The following FBXO38 variants were observed in gnomAD, a reference collection of about 807,000 sequenced individuals.
The protein encoded by FBXO38 is F-box only protein 38.
FBXO38 carries 53 observed loss-of-function variants against 131.9 expected under a neutral mutation model. The observed-to-expected ratio is 0.40, with a 90% confidence interval of 0.32 to 0.51. The LOEUF (loss-of-function observed/expected upper bound fraction) is 0.51, where lower values mean the gene tolerates loss of function less well. Ranked by LOEUF, FBXO38 falls within the 20% of genes least tolerant of loss-of-function variation. FBXO38 has a pLI of 0.53. For missense variants in FBXO38, 1,076 were observed against 1,475.6 expected (o/e 0.73, Z 4.44); for synonymous variants, 452 against 505.6 (o/e 0.89, Z 1.42).
At chr5:148,429,199 T>G (rs1753891573) in intron 15 of FBXO38, among the ~76,000 whole-genome samples, 2 of 152,188 alleles carry the variant, frequency 1.3e-5, no homozygotes, top group South Asian at 4.1e-4. Context: ...CTTTATGAGT[T>G]TATTTTTATG....
chr5:148,425,471 A>T, intron 13 of FBXO38, 51 bp from the exon 14 acceptor site: 1 of 1,417,412 alleles, frequency 7.1e-7, no homozygotes, highest in Non-Finnish European at 9.9e-7. Flanking sequence ...ACTTTGCATT[A>T]GATCCTTTCT....
chr5:148,385,481 T>G (rs1365877633), intron 1 of FBXO38, among the ~76,000 whole-genome samples: 7 of 152,244 alleles, frequency 4.6e-5, no homozygotes, highest in Non-Finnish European at 8.8e-5. Context: ...GTATCCCTGC[T>G]TCACACTGGT....
chr5:148,441,325 C>T, intron 21 of FBXO38, 88 bp downstream of exon 21: 1 of 931,258 alleles, frequency 1.1e-6, no homozygotes, highest in Non-Finnish European at 1.7e-6. Context: ...GAGTTAGGAG[C>T]AGTGCAGTGT....
intron 1 of FBXO38, among the ~76,000 whole-genome samples, chr5:148,394,494 G>A (rs1458763067): frequency 6.6e-6 from 1 of 152,004 alleles, no homozygotes; most frequent in African/African-American, 2.4e-5. Flanking sequence ...TCTAAGTAAT[G>A]CATATTTATA....
chr5:148,400,278 A>G (rs982411326), intron 3 of FBXO38, among the ~76,000 whole-genome samples: 11 of 152,066 alleles, frequency 7.2e-5, no homozygotes, highest in Non-Finnish European at 1.2e-4. Flanking sequence ...GAAAGAAAAA[A>G]AATTAGGGCA....
At chr5:148,427,039 A>G (rs913590443) in intron 14 of FBXO38, among the ~76,000 whole-genome samples, 174 bp from the exon 15 acceptor site, 3 of 152,202 alleles carry the variant, frequency 2.0e-5, no homozygotes, top group Non-Finnish European at 4.4e-5. Context: ...GATAGACACT[A>G]GGGAGCCATA....
At chr5:148,408,874 A>G (rs1455642662) in intron 7 of FBXO38, among the ~76,000 whole-genome samples, 2 of 152,166 alleles carry the variant, frequency 1.3e-5, no homozygotes, top group East Asian at 1.9e-4. Flanking sequence ...TTACTTAACA[A>G]TGTAAATCTT....
In FBXO38 at chr5:148,406,237, A is replaced by G. The variant is rs1162765033; in HGVS notation, c.731-20A>G. ...AAGGCACTTTACATTGTTCTATCAA[A>G]GATTTTTTTTTTTTTCCAGGACCCA... On this transcript the variant is annotated intron_variant, in intron 6 of 21. Transcript: ENST00000340253. 4.6e-6 allele frequency: 7 copies of G among 1,535,040 alleles called. No individual in the cohort carries two copies. Among genetic ancestry groups the G allele is most frequent in the Non-Finnish European group, 8.8e-7 (1 of 1,137,710 alleles).
intron 1 of FBXO38, among the ~76,000 whole-genome samples, chr5:148,390,766 T>A (rs1268487089): frequency 6.6e-6 from 1 of 152,152 alleles, no homozygotes; most frequent in African/African-American, 2.4e-5. Context: ...TTACGTATAG[T>A]TTGTGCACTA....
intron 15 of FBXO38, 113 bp downstream of exon 15, chr5:148,428,060 G>A: frequency 8.6e-6 from 10 of 1,160,746 alleles, no homozygotes; most frequent in Non-Finnish European, 1.1e-5. Context: ...ATTCTATTTT[G>A]GGGTTTTGTG....
At chr5:148,384,567 G>GTCCATTAGCTTT (rs1757812843) in intron 1 of FBXO38, among the ~76,000 whole-genome samples, 3 of 152,184 alleles carry the variant, frequency 2.0e-5, no homozygotes, top group Non-Finnish European at 4.4e-5. Context: ...CCTTGTCTAG[G>GTCCATTAGCTTT]TCCATTAGCT....
chr5:148,397,644 A>C (rs1758551413), intron 2 of FBXO38: 1 of 152,196 alleles, frequency 6.6e-6, no homozygotes, highest in Non-Finnish European at 1.5e-5. Flanking sequence ...CGAGAAGTAG[A>C]AAAAATAAAT....
chr5:148,410,388 A>G (rs551758995), intron 8 of FBXO38: 4 of 492,636 alleles, frequency 8.1e-6, no homozygotes, highest in African/African-American at 6.1e-5. Flanking sequence ...GCCTGCTGCC[A>G]TCAGGCAAAA....
intron 14 of FBXO38, 77 bp downstream of exon 14, chr5:148,425,778 T>C (rs774800955): frequency 1.0e-5 from 13 of 1,242,396 alleles, no homozygotes; most frequent in African/African-American, 1.5e-5. Flanking sequence ...ATATGACAAC[T>C]TGGGTGCAGT....
At chr5:148,400,852 T>C (rs1752107738) in intron 3 of FBXO38, among the ~76,000 whole-genome samples, 1 of 152,078 alleles carries the variant, frequency 6.6e-6, no homozygotes, top group African/African-American at 2.4e-5. Flanking sequence ...TATGCTTGTA[T>C]ATGGGGTGAT....
chr5:148,438,556 T>C lies in FBXO38; in HGVS notation c.3024+58T>C, dbSNP rs538062708. 1.5e-5 allele frequency: 24 copies of C among 1,553,022 alleles called. No individual in the cohort carries two copies. In the African/African-American group the frequency reaches 2.6e-4, roughly 17 times the overall value. On this transcript the variant is annotated intron_variant, in intron 18 of 21. Coordinates refer to ENST00000340253, the MANE Select transcript of FBXO38 (RefSeq NM_205836.3). ...ATATTGTGGTGTTTTTCTTTTTCTT[T>C]TTCTTGTTAGTCTTTAGCCTTTTGG...
chr5:148,431,709 G>T (rs1316723620), intron 15 of FBXO38, among the ~76,000 whole-genome samples: 1 of 152,194 alleles, frequency 6.6e-6, no homozygotes, highest in Non-Finnish European at 1.5e-5. Flanking sequence ...CCTTTAGAAG[G>T]TTTCATGTCA....
chr5:148,424,150 C>A, intron 13 of FBXO38, 33 bp downstream of exon 13: 1 of 1,591,620 alleles, frequency 6.3e-7, no homozygotes, highest in South Asian at 1.1e-5. Flanking sequence ...ATTCATCATT[C>A]TGAAACTACG....
intron 18 of FBXO38, 83 bp downstream of exon 18, chr5:148,438,581 G>A (rs772810103): frequency 2.1e-5 from 31 of 1,465,062 alleles, no homozygotes; most frequent in Non-Finnish European, 2.9e-5. Flanking sequence ...TAGCCTTTTG[G>A]ATTTGGCATT....
Sources: allele counts gnomAD v4.1 joint callset (sites outside exome capture counted in the v4.1 genomes callset), GRCh38; gene constraint gnomAD v4.1.1; transcripts MANE v1.5; gene names NCBI Gene and HGNC (gene_info 2026-07-23, HGNC 2026-07-21).